Variants in GALR1 observed in about 807,000 individuals in gnomAD.
GALR1 encodes the protein galanin receptor type 1.
Under a neutral mutation model 17.9 loss-of-function variants are expected in GALR1, and 11 were observed. The observed-to-expected ratio is 0.62, with a 90% CI of 0.39 to 1.02. GALR1 has a LOEUF of 1.02. Among genes scored for constraint, GALR1 ranks in the 50% least tolerant of loss-of-function variants. The pLI is 0.01. For missense variants in GALR1, 441 were observed against 456.9 expected, an observed-to-expected ratio of 0.97 and a Z score of 0.32; for synonymous variants, 206 against 205.7, an observed-to-expected ratio of 1.00 and a Z score of -0.01.
In GALR1 at chr18:77,251,010, G is replaced by C; in HGVS notation, c.462G>C (p.Leu154=). 1 of 1,605,176 alleles carries C rather than the reference G, an allele frequency of 6.2e-7. No homozygotes were observed. The highest frequency in any genetic ancestry group is 8.5e-7 in the Non-Finnish European group (1 of 1,179,842). The change falls in exon 1 of 3, where the codon CTG becomes CTC. Residue 154 remains leucine, a synonymous_variant. Transcript: ENST00000299727. ...TCAGGGTGTCCCGCAACGCGCTGCTGGGCGTGGGCTGCATCTGGGCGCTGT... is the reference window on the plus strand; with the variant it reads ...TCAGGGTGTCCCGCAACGCGCTGCTCGGCGTGGGCTGCATCTGGGCGCTGT... ...SSLRVSRNAL[L]GVGCIWALSI...
chr18:77,268,599 T>C lies in GALR1; in HGVS notation c.747T>C (p.Val249=), dbSNP rs766051829. 17 of 1,613,702 alleles carry C rather than the reference T, an allele frequency of 1.1e-5. No homozygotes were observed. In the South Asian group the frequency reaches 1.4e-4, roughly 14 times the overall value. The stretch of plus-strand genomic sequence containing the variant: ...TTCTTTTCTAGACTGCACAGACAGT[T>C]CTGGTGGTGGTTGTGGTGTTTGGAA... The part of the protein sequence containing the change: ...EASKKKTAQT[V]LVVVVVFGIS... Residue 249 remains valine (V), a synonymous_variant, in exon 3 of 3, where the codon GTT becomes GTC. Transcript: ENST00000299727.
In GALR1 at chr18:77,273,232, C is replaced by T. The variant is rs11665435; in HGVS notation, c.*4330C>T. 3,399 of 152,430 alleles carry T rather than the reference C, an allele frequency of 0.022. 58 individuals are homozygous for T. Among genetic ancestry groups the T allele is most frequent in the Non-Finnish European group, 0.037 (2,500 of 68,122 alleles). 9.4% of individuals were successfully genotyped at this position (152,430 alleles called of 1,614,324 possible). A position where few individuals can be genotyped will look rare whatever the true frequency, so the allele number is the denominator to read the frequency against. On this transcript the variant is annotated 3_prime_UTR_variant, in exon 3 of 3. Coordinates refer to ENST00000299727, the MANE Select transcript of GALR1 (RefSeq NM_001480.4). ...TGGTGCTACTCACAGGGCTGACTCA[C>T]GGGCAGATGCTCCCCATCCTTCCCC...
Position 77,250,871 on chromosome 18 carries a change from G to C in GALR1, c.323G>C (p.Cys108Ser), listed in dbSNP as rs750403901. The change falls in exon 1 of 3, where the codon TGC becomes TCC. Residue 108 changes from cysteine to serine, a missense_variant. Transcript: ENST00000299727. ...LPTWVLGAFI[C>S]KFIHYFFTVS... is the part of the protein sequence containing the mutation. ...ACCTGGGTGCTGGGCGCCTTCATCTGCAAGTTCATCCACTACTTCTTCACC... is the reference window on the plus strand; with the variant it reads ...ACCTGGGTGCTGGGCGCCTTCATCTCCAAGTTCATCCACTACTTCTTCACC... 1.2e-6 allele frequency: 2 copies of C among 1,611,066 alleles called. No homozygotes were observed. Among genetic ancestry groups the C allele is most frequent in the Non-Finnish European group, 1.7e-6 (2 of 1,180,006 alleles).
In GALR1 at chr18:77,250,875, G is replaced by C; in HGVS notation, c.327G>C (p.Lys109Asn). The C allele has an allele frequency of 6.2e-7, 1 of 1,610,780 alleles. No individual in the cohort carries two copies. The highest frequency in any genetic ancestry group is 1.1e-5 in the South Asian group (1 of 91,090). The change falls in exon 1 of 3, where the codon AAG (lysine) becomes AAC (asparagine). Residue 109 changes from lysine to asparagine, a missense_variant. Lys to Asn is a moderately conservative substitution (Grantham distance 94). Coordinates refer to ENST00000299727, the MANE Select transcript of GALR1 (RefSeq NM_001480.4). ...GGGTGCTGGGCGCCTTCATCTGCAAGTTCATCCACTACTTCTTCACCGTGT... is the reference window on the plus strand; with the variant it reads ...GGGTGCTGGGCGCCTTCATCTGCAACTTCATCCACTACTTCTTCACCGTGT... Reference protein sequence around the residue: ...PTWVLGAFICKFIHYFFTVSM... With the variant: ...PTWVLGAFICNFIHYFFTVSM...
At position 77,268,665 on chromosome 18, in the gene GALR1, GTTT is replaced by G; in HGVS notation, c.814_816del (p.Phe272del). On this transcript the variant is annotated inframe_deletion, in exon 3 of 3. Transcript: ENST00000299727. ...ACCACATCATCCATCTCTGGGCTGA[GTTT>G]GGAGTTTTCCCGCTGACGCCGGCTT... The G allele has an allele frequency of 6.2e-7, 1 of 1,614,146 alleles. No individual in the cohort carries two copies.
intron 2 of GALR1, 29 bp from the exon 3 acceptor site, chr18:77,268,556 C>CTCT: frequency 6.4e-7 from 1 of 1,556,154 alleles, no homozygotes; most frequent in Non-Finnish European, 8.8e-7. Context: ...CCTCCTCCTC[C>CTCT]TCCTCCTCCT....
At chr18:77,252,838 G>A (rs1599354014) in intron 1 of GALR1, among the ~76,000 whole-genome samples, 2 of 120,942 alleles carry the variant, frequency 1.7e-5, no homozygotes, top group African/African-American at 3.2e-5. Context: ...ACAACGGAGC[G>A]AGACTCTGTC....
At chr18:77,256,311 G>A in intron 2 of GALR1, 88 bp downstream of exon 2, 1 of 752,238 alleles carries the variant, frequency 1.3e-6, no homozygotes, top group South Asian at 1.7e-5. Context: ...TCCATCCAAA[G>A]CCTGTAACAT....
At position 77,250,735 on chromosome 18, in the gene GALR1, C is replaced by T. The variant is rs745382350; in HGVS notation, c.187C>T (p.Pro63Ser). 4 of 1,613,634 alleles carry T rather than the reference C, an allele frequency of 2.5e-6. No individual in the cohort carries two copies. The highest frequency in any genetic ancestry group is 4.5e-5 in the East Asian group (2 of 44,886). The stretch of plus-strand genomic sequence containing the variant: ...GATCACCGTGCTGGCGCGCAGCAAG[C>T]CGGGCAAGCCGCGGAGCACCACCAA... ...LVITVLARSK[P>S]GKPRSTTNLF... Residue 63 changes from proline (P) to serine (S), a missense_variant, in exon 1 of 3, where the codon CCG (proline) becomes TCG (serine). Transcript: ENST00000299727.
chr18:77,252,510 A>G (rs1912441515), intron 1 of GALR1, among the ~76,000 whole-genome samples: 1 of 152,220 alleles, frequency 6.6e-6, no homozygotes, highest in Non-Finnish European at 1.5e-5. Flanking sequence ...TATTTCATCT[A>G]GGTAGATTGT....
chr18:77,257,816 T>C (rs1167467846), intron 2 of GALR1, among the ~76,000 whole-genome samples: 1 of 152,156 alleles, frequency 6.6e-6, no homozygotes, highest in Non-Finnish European at 1.5e-5. Flanking sequence ...GGGGGCAGTG[T>C]TTGGAGCATC....
intron 2 of GALR1, among the ~76,000 whole-genome samples, chr18:77,266,974 A>G (rs1912956010): frequency 6.6e-6 from 1 of 152,196 alleles, no homozygotes; most frequent in Non-Finnish European, 1.5e-5. Context: ...AGCATGCTCT[A>G]AAATATTACA....
chr18:77,269,014 A>G lies in GALR1; in HGVS notation c.*112A>G, dbSNP rs1913007413. 6.0e-6 allele frequency: 5 copies of G among 831,384 alleles called. No individual in the cohort carries two copies. Among genetic ancestry groups the G allele is most frequent in the Non-Finnish European group, 9.6e-6 (5 of 522,894 alleles). The allele number at this position is 831,384 out of a possible 1,614,324, so 51.5% of individuals were successfully genotyped here. ...CAACTTGTTATCTTAACAAGAATTC[A>G]AGTCGTTTTAATTAAATCCCACGTG... On this transcript the variant is annotated 3_prime_UTR_variant, in exon 3 of 3. Transcript: ENST00000299727.
intron 2 of GALR1, among the ~76,000 whole-genome samples, chr18:77,261,995 T>C (rs369799660): frequency 5.5e-4 from 83 of 152,214 alleles, no homozygotes; most frequent in African/African-American, 1.9e-3. Flanking sequence ...GGCTAAGTTA[T>C]TTGAAAACAT....
intron 1 of GALR1, 80 bp downstream of exon 1, chr18:77,251,294 G>T: frequency 6.6e-7 from 1 of 1,513,600 alleles, no homozygotes. Flanking sequence ...GTGTCCCGCG[G>T]CCCTGCCGGA....
chr18:77,255,672 T>C (rs1912570382), intron 1 of GALR1, among the ~76,000 whole-genome samples: 2 of 152,246 alleles, frequency 1.3e-5, no homozygotes, highest in Non-Finnish European at 2.9e-5. Context: ...TCTTCATTTG[T>C]TTACTTGCCT....
At chr18:77,265,209 CA>C (rs1912919858) in intron 2 of GALR1, among the ~76,000 whole-genome samples, 1 of 152,118 alleles carries the variant, frequency 6.6e-6, no homozygotes, top group African/African-American at 2.4e-5. Flanking sequence ...ACAACCATTC[CA>C]AATAGGAGAA....
intron 2 of GALR1, among the ~76,000 whole-genome samples, chr18:77,264,149 A>G: frequency 6.9e-6 from 1 of 145,052 alleles, no homozygotes; most frequent in Non-Finnish European, 1.6e-5. Flanking sequence ...AAAAAAAAAA[A>G]AAAAAAAAAA....
At chr18:77,260,065 T>C (rs1912794741) in intron 2 of GALR1, among the ~76,000 whole-genome samples, 2 of 152,260 alleles carry the variant, frequency 1.3e-5, no homozygotes. Flanking sequence ...TAAAGTTCCC[T>C]TTCTCAGCTC....
Sources: gnomAD v4.1 joint callset for allele counts (sites outside exome capture counted in the v4.1 genomes callset) on GRCh38, gnomAD v4.1.1 for gene constraint, MANE v1.5 for transcripts, NCBI Gene and HGNC (gene_info 2026-07-23, HGNC 2026-07-21) for gene names.